PEX14: variants seen among roughly 807,000 people sequenced by gnomAD.
The protein encoded by PEX14 is peroxisomal membrane protein PEX14.
In PEX14, 15 loss-of-function variants were observed where a neutral mutation model predicts 49.5. The observed-to-expected ratio is 0.30, with a 90% CI of 0.20 to 0.47. The LOEUF (loss-of-function observed/expected upper bound fraction) is 0.47, where lower values mean the gene tolerates loss of function less well. PEX14 is among the 20% of genes least tolerant of loss of function. The probability of loss-of-function intolerance (pLI) is 1.00; values close to 1 mark genes in which losing one functional copy is unlikely to be tolerated. For missense variants in PEX14, 398 were observed against 494.8 expected, an observed-to-expected ratio of 0.80 and a Z score of 1.86; for synonymous variants, 210 against 212.7, an observed-to-expected ratio of 0.99 and a Z score of 0.11.
At chr1:10,564,483 C>G (rs2124537427) in intron 3 of PEX14, among the ~76,000 whole-genome samples, 1 of 151,500 alleles carries the variant, frequency 6.6e-6, no homozygotes, top group Middle Eastern at 3.4e-3. Flanking sequence ...CTTGCCCAGA[C>G]TGGAGTGTGG....
chr1:10,589,429 AAGTGTAAGTTGAATTCAG>A (rs1640594724), intron 3 of PEX14, among the ~76,000 whole-genome samples: 1 of 152,200 alleles, frequency 6.6e-6, no homozygotes, highest in Non-Finnish European at 1.5e-5. Flanking sequence ...CCTTCTGAGC[AAGTGTAAGTTGAATTCAG>A]AGTGTAAGTT....
chr1:10,565,341 G>C (rs1483965331), intron 3 of PEX14, among the ~76,000 whole-genome samples: 1 of 152,200 alleles, frequency 6.6e-6, no homozygotes, highest in African/African-American at 2.4e-5. Flanking sequence ...GATTTGGCCT[G>C]AGTCAGGTTG....
chr1:10,590,035 T>C (rs781082487), intron 3 of PEX14, among the ~76,000 whole-genome samples: 12 of 152,340 alleles, frequency 7.9e-5, no homozygotes, highest in Middle Eastern at 3.4e-3. Context: ...TAGAGAGTAG[T>C]GCTGAGGAGC....
chr1:10,622,054 G>A (rs548017939), intron 5 of PEX14, among the ~76,000 whole-genome samples: 2 of 152,210 alleles, frequency 1.3e-5, no homozygotes, highest in Admixed American at 6.5e-5. Context: ...TCCATGTCCC[G>A]AGTGGCTGGA....
chr1:10,565,416 A>G lies in PEX14; in HGVS notation c.169+29119A>G, dbSNP rs558219330. On this transcript the variant is annotated intron_variant, in intron 3 of 8. Coordinates refer to ENST00000356607, the MANE Select transcript of PEX14 (RefSeq NM_004565.3). ...CCATGTTCCTAGGGTATAGCCCTCT[A>G]TGGGTCCCAACAAAGAACCTAAAGT... is the stretch of plus-strand genomic sequence containing the variant. 4.1e-3 allele frequency among the ~76,000 whole-genome samples: 630 copies of G among 152,250 alleles called. 5 individuals are homozygous for G. Among genetic ancestry groups the G allele is most frequent in the African/African-American group, 0.015 (613 of 41,564 alleles).
chr1:10,497,670 A>T (rs2124407280), intron 2 of PEX14, among the ~76,000 whole-genome samples: 1 of 152,354 alleles, frequency 6.6e-6, no homozygotes, highest in Admixed American at 6.5e-5. Flanking sequence ...CAAGTTATTC[A>T]GAGCAGGAAG....
At chr1:10,616,133 C>T (rs1641408732) in intron 4 of PEX14, among the ~76,000 whole-genome samples, 1 of 152,042 alleles carries the variant, frequency 6.6e-6, no homozygotes, top group Admixed American at 6.5e-5. Context: ...GACTCCAGGC[C>T]CCTCCAGCCC....
chr1:10,543,328 G>A (rs1003225068), intron 3 of PEX14, among the ~76,000 whole-genome samples: 2 of 152,060 alleles, frequency 1.3e-5, no homozygotes, highest in Admixed American at 6.5e-5. Context: ...TAGAGATGGG[G>A]TTTTACCATC....
chr1:10,572,772 G>A (rs1205543468), intron 3 of PEX14, among the ~76,000 whole-genome samples: 1 of 152,088 alleles, frequency 6.6e-6, no homozygotes, highest in Admixed American at 6.6e-5. Flanking sequence ...TCCTGACCTC[G>A]TGATCCGCTC....
chr1:10,593,343 T>C (rs929048744), intron 3 of PEX14, among the ~76,000 whole-genome samples: 4 of 152,144 alleles, frequency 2.6e-5, no homozygotes, highest in Non-Finnish European at 5.9e-5. Context: ...AAATAATGTT[T>C]CTGCCTAACG....
At chr1:10,499,367 T>A (rs2124410547) in intron 2 of PEX14, among the ~76,000 whole-genome samples, 1 of 152,188 alleles carries the variant, frequency 6.6e-6, no homozygotes, top group East Asian at 1.9e-4. Flanking sequence ...TTCCTTTAAC[T>A]TTTAGGTGTA....
intron 3 of PEX14, among the ~76,000 whole-genome samples, chr1:10,546,044 C>CA (rs560625399): frequency 2.7e-5 from 4 of 148,222 alleles, no homozygotes; most frequent in African/African-American, 7.5e-5. Context: ...GACACTGTCT[C>CA]AAAAAAAAAG....
At chr1:10,617,740 C>T (rs1286691432) in intron 4 of PEX14, among the ~76,000 whole-genome samples, 3 of 151,156 alleles carry the variant, frequency 2.0e-5, no homozygotes, top group Non-Finnish European at 4.4e-5. Context: ...CGTTCTCATT[C>T]TCTGAAGCCT....
intron 3 of PEX14, among the ~76,000 whole-genome samples, chr1:10,541,303 A>G (rs1238436291): frequency 2.0e-5 from 3 of 152,178 alleles, no homozygotes; most frequent in Non-Finnish European, 4.4e-5. Context: ...AGCCTTTCTC[A>G]GGAGTGAGAG....
rs1158627633 is a variant in PEX14 at position 10,560,714 on chromosome 1, C to T, written c.169+24417C>T. Among the ~76,000 whole-genome samples the T allele has an allele frequency of 4.9e-5, 7 of 143,392 alleles. No homozygotes were observed. In the South Asian group the frequency reaches 1.6e-3, roughly 34 times the overall value. The allele number at this position is 143,392 out of a possible 152,430, so 94.1% of individuals were successfully genotyped here. ...CAGTTTCTTAGTTGTTAACATTTTG[C>T]CACCTTTTTTTTTTTTTTTTTGAGA... On this transcript the variant is annotated intron_variant, in intron 3 of 8. Transcript: ENST00000356607.
intron 2 of PEX14, among the ~76,000 whole-genome samples, chr1:10,515,749 C>A (rs549616920): frequency 6.6e-6 from 1 of 152,106 alleles, no homozygotes; most frequent in African/African-American, 2.4e-5. Flanking sequence ...TGCTTGTCTG[C>A]TTGTGATTTG....
chr1:10,619,289 G>A (rs923202868), intron 5 of PEX14, among the ~76,000 whole-genome samples: 1 of 151,654 alleles, frequency 6.6e-6, no homozygotes, highest in Admixed American at 6.6e-5. Flanking sequence ...TTTCGAGGCT[G>A]CCAGCTCCTC....
At chr1:10,515,300 A>G (rs1440919979) in intron 2 of PEX14, among the ~76,000 whole-genome samples, 1 of 152,136 alleles carries the variant, frequency 6.6e-6, no homozygotes, top group Admixed American at 6.6e-5. Context: ...AGTCATGGAC[A>G]TTCAAACTCT....
Position 10,495,246 on chromosome 1 carries a change from T to G in PEX14, c.37-28T>G. 1 of 1,612,272 alleles carries G rather than the reference T, an allele frequency of 6.2e-7. No homozygotes were observed. On this transcript the variant is annotated intron_variant, in intron 1 of 8. Transcript: ENST00000356607. This position sits in a 1 kb window ranked among gnomAD's most constrained non-coding sequence, Gnocchi z 4.2. The stretch of plus-strand genomic sequence containing the variant: ...ATGTCCATTGGGTGGCACTGTGATC[T>G]TATTTTTGTTTCCATTTTTCTCTGC...
Sources: allele counts gnomAD v4.1 joint callset (sites outside exome capture counted in the v4.1 genomes callset), GRCh38; gene constraint gnomAD v4.1.1; non-coding constraint Gnocchi (gnomAD v3.1); transcripts MANE v1.5; gene names NCBI Gene and HGNC (gene_info 2026-07-23, HGNC 2026-07-21).